The following ADSL variants were observed in gnomAD, a reference collection of about 807,000 sequenced individuals.
ADSL encodes adenylosuccinate lyase.
In ADSL, 44 loss-of-function variants were observed where a neutral mutation model predicts 62.1. The observed-to-expected ratio is 0.71, with a 90% CI of 0.56 to 0.91. The LOEUF (loss-of-function observed/expected upper bound fraction) is 0.91. Among genes scored for constraint, ADSL ranks in the 40% least tolerant of loss-of-function variants. ADSL has a pLI of 0.00. For missense variants in ADSL, 531 were observed against 627.4 expected, an observed-to-expected ratio of 0.85 and a Z score of 1.64; for synonymous variants, 198 against 220.5, an observed-to-expected ratio of 0.90 and a Z score of 0.90.
intron 1 of ADSL, chr22:40,348,583 G>A (rs2044230267): frequency 5.0e-6 from 2 of 398,516 alleles, no homozygotes; most frequent in Admixed American, 4.4e-5. Context: ...GTCTCACTGT[G>A]TTTTCCAGTG....
chr22:40,382,747 T>C (rs925148992), intron 2 of ADSL, among the ~76,000 whole-genome samples: 1 of 152,210 alleles, frequency 6.6e-6, no homozygotes, highest in Non-Finnish European at 1.5e-5. Context: ...TACGTTATAT[T>C]GTGTTAGCCC....
Position 40,367,563 on chromosome 22 carries a change from G to GTCTTCCAGCTTCTGCCACTGCGCCC in ADSL, c.*1042_*1066dup, listed in dbSNP as rs1272696454. On this transcript the variant is annotated 3_prime_UTR_variant, in exon 13 of 13. Transcript: ENST00000623063. Reference sequence around the variant, plus strand: ...ACATCAGATACTTGGCAACTAGGCAGTCTTCCAGCTTCTGCCACTGCGCCC... The same window carrying GTCTTCCAGCTTCTGCCACTGCGCCC: ...ACATCAGATACTTGGCAACTAGGCAGTCTTCCAGCTTCTGCCACTGCGCCCTCTTCCAGCTTCTGCCACTGCGCCC... 1 of 167,706 alleles carries GTCTTCCAGCTTCTGCCACTGCGCCC rather than the reference G, an allele frequency of 6.0e-6. No individual in the cohort carries two copies. The highest frequency in any genetic ancestry group is 2.4e-5 in the African/African-American group (1 of 41,464). The allele number at this position is 167,706 out of a possible 1,614,324, so 10.4% of individuals were successfully genotyped here. A position where few individuals can be genotyped will look rare whatever the true frequency, so the allele number is the denominator to read the frequency against.
chr22:40,353,099 T>A lies in ADSL; in HGVS notation c.384T>A (p.Leu128=). The change falls in exon 3 of 13, where the codon CTT becomes CTA. Residue 128 remains leucine (L), a synonymous_variant. Coordinates refer to ENST00000623063, the MANE Select transcript of ADSL (RefSeq NM_000026.4). ...NTDLIILRNA[L]DLLLPKLARV... is the part of the protein sequence containing the mutation. ...ACTTGATTATTCTTAGAAATGCACT[T>A]GACCTGCTTTTGCCAAAGGTAAGGA... 6.2e-7 allele frequency: 1 copy of A among 1,614,046 alleles called. No individual in the cohort carries two copies. The highest frequency in any genetic ancestry group is 2.2e-5 in the East Asian group (1 of 44,882).
intron 12 of ADSL, among the ~76,000 whole-genome samples, chr22:40,365,446 G>A (rs1435336728): frequency 6.6e-6 from 1 of 152,152 alleles, no homozygotes; most frequent in Non-Finnish European, 1.5e-5. Context: ...GGGTTAAATC[G>A]TAACCTCTGG....
intron 2 of ADSL, among the ~76,000 whole-genome samples, chr22:40,384,032 T>G (rs1201374380): frequency 2.6e-5 from 4 of 152,186 alleles, no homozygotes; most frequent in African/African-American, 4.8e-5. Flanking sequence ...GAGGATTGCT[T>G]GAGTGCAGGA....
chr22:40,358,795 G>T (rs944026869), intron 4 of ADSL, 69 bp from the exon 5 acceptor site: 101 of 1,491,724 alleles, frequency 6.8e-5, no homozygotes, highest in East Asian at 1.8e-4. Flanking sequence ...GTTATTAAAA[G>T]AAGCAATGAA....
chr22:40,365,325 C>T (rs559860233), intron 12 of ADSL, among the ~76,000 whole-genome samples: 13 of 152,156 alleles, frequency 8.5e-5, no homozygotes, highest in South Asian at 2.1e-4. Context: ...ACCAAGATAC[C>T]GCTGTTTTGA....
intron 2 of ADSL, chr22:40,379,355 T>G (rs2047188990): frequency 6.6e-6 from 1 of 152,590 alleles, no homozygotes; most frequent in African/African-American, 2.4e-5. Flanking sequence ...TTCGTACCTT[T>G]TCTCTGTTGC....
chr22:40,381,373 T>C (rs1452885322), intron 2 of ADSL, among the ~76,000 whole-genome samples: 1 of 152,148 alleles, frequency 6.6e-6, no homozygotes, highest in Non-Finnish European at 1.5e-5. Context: ...GGTCTCAAAC[T>C]CTTGGGCTCA....
chr22:40,353,161 T>C, intron 3 of ADSL, 44 bp downstream of exon 3: 2 of 1,505,754 alleles, frequency 1.3e-6, no homozygotes, highest in Non-Finnish European at 1.8e-6. Context: ...AGATTCCCTA[T>C]GTTAGGAGAT....
At chr22:40,357,677 A>C (rs529269995) in intron 4 of ADSL, among the ~76,000 whole-genome samples, 17 of 152,290 alleles carry the variant, frequency 1.1e-4, no homozygotes, top group Non-Finnish European at 2.5e-4. Flanking sequence ...CTCCTCACAA[A>C]GGCTTTCCTC....
chr22:40,360,447 T>G lies in ADSL; in HGVS notation c.747T>G (p.Ile249Met). 1 of 1,614,108 alleles carries G rather than the reference T, an allele frequency of 6.2e-7. No homozygotes were observed. Among genetic ancestry groups the G allele is most frequent in the Non-Finnish European group, 8.5e-7 (1 of 1,179,990 alleles). Reference sequence around the variant, plus strand: ...AGACATATACACGAAAAGTGGATATTGAAGTACTGTCTGTGCTGGCTAGCT... The same window carrying G: ...AGACATATACACGAAAAGTGGATATGGAAGTACTGTCTGTGCTGGCTAGCT... The part of the protein sequence containing the change: ...TGQTYTRKVD[I>M]EVLSVLASLG... The change falls in exon 7 of 13, where the codon ATT becomes ATG. Residue 249 changes from isoleucine to methionine, a missense_variant. By Grantham distance (10) the Ile-to-Met change is conservative. This residue lies in a region of ADSL where 471 missense variants were observed against 592.9 expected (regional missense o/e 0.79). Transcript: ENST00000623063.
In ADSL at chr22:40,366,975, T is replaced by G; in HGVS notation, c.*453T>G. ...TGATGAAGTTTGGAACTACAGTAAA[T>G]ACTTAAAAAAAAAAAAAAAAAGAAC... On this transcript the variant is annotated 3_prime_UTR_variant, in exon 13 of 13. Coordinates refer to ENST00000623063, the MANE Select transcript of ADSL (RefSeq NM_000026.4). 1 of 138,814 alleles carries G rather than the reference T, an allele frequency of 7.2e-6. No homozygotes were observed. The highest frequency in any genetic ancestry group is 1.9e-4 in the South Asian group (1 of 5,264). 8.6% of individuals were successfully genotyped at this position (138,814 alleles called of 1,614,324 possible).
chr22:40,361,819 G>A, intron 9 of ADSL, 184 bp downstream of exon 9: 1 of 790,654 alleles, frequency 1.3e-6, no homozygotes, highest in Non-Finnish European at 2.1e-6. Context: ...AGTGTGTACT[G>A]GGTACTGTGG....
Position 40,355,664 on chromosome 22 carries a change from A to G in ADSL, c.482+1337A>G, listed in dbSNP as rs575005163. 5.9e-5 allele frequency among the ~76,000 whole-genome samples: 9 copies of G among 152,280 alleles called. No homozygotes were observed. In the South Asian group the frequency reaches 6.2e-4, roughly 11 times the overall value. On this transcript the variant is annotated intron_variant, in intron 4 of 12. Transcript: ENST00000623063. ...TTTCTACTTTTTGGCTACTATGAAT[A>G]ATGCTGCCATGAACAAGTCCATGCT...
At chr22:40,371,118 G>A (rs1243934875), downstream of ADSL, among the ~76,000 whole-genome samples, 4 of 152,226 alleles carry the variant, frequency 2.6e-5, no homozygotes, top group Non-Finnish European at 5.9e-5. Flanking sequence ...TTCCCTTTAA[G>A]ATTCAGATCC....
chr22:40,353,621 CTTTTTTTTTTTTT>C (rs772788908), intron 3 of ADSL, among the ~76,000 whole-genome samples: 1 of 114,804 alleles, frequency 8.7e-6, no homozygotes, highest in Non-Finnish European at 1.8e-5. Context: ...AAAGCATAGC[CTTTTTTTTTTTTT>C]TTTTTTTTTG....
chr22:40,363,860 C>T (rs566272550), intron 10 of ADSL, among the ~76,000 whole-genome samples: 4 of 152,004 alleles, frequency 2.6e-5, no homozygotes, highest in South Asian at 4.1e-4. Flanking sequence ...TTTGGGATCA[C>T]GAGGCCAGGA....
intron 2 of ADSL, among the ~76,000 whole-genome samples, chr22:40,383,434 T>C (rs1211746464): frequency 4.1e-5 from 6 of 145,046 alleles, no homozygotes; most frequent in Non-Finnish European, 7.5e-5. Context: ...GCCACTGCAC[T>C]CCACCCTTGG....
Sources: gnomAD v4.1 joint callset for allele counts (sites outside exome capture counted in the v4.1 genomes callset) on GRCh38, gnomAD v4.1.1 for gene constraint, gnomAD v4.1.1 regional missense constraint, MANE v1.5 for transcripts, NCBI Gene and HGNC (gene_info 2026-07-23, HGNC 2026-07-21) for gene names.